CTIF: variants seen among roughly 807,000 people sequenced by gnomAD.
CTIF encodes the protein CBP80/20-dependent translation initiation factor.
A neutral mutation model predicts 66.0 loss-of-function variants in CTIF; 21 were observed. That is an observed-to-expected ratio of 0.32 (90% CI 0.23 to 0.46). The LOEUF (loss-of-function observed/expected upper bound fraction) is 0.46, where lower values mean the gene tolerates loss of function less well. CTIF is among the 20% of genes least tolerant of loss of function. The probability of loss-of-function intolerance (pLI) is 1.00; values close to 1 mark genes in which losing one functional copy is unlikely to be tolerated. For synonymous variants in CTIF, 345 were observed against 326.4 expected (o/e 1.06, Z -0.62); for missense variants, 739 against 812.7 (o/e 0.91, Z 1.10).
At chr18:48,545,183 G>A (rs73956002) in intron 1 of CTIF, among the ~76,000 whole-genome samples, 3,907 of 152,318 alleles carry the variant, frequency 0.026, 154 homozygotes, top group African/African-American at 0.09. Context: ...GGAAGGAACC[G>A]CAAGCAGTGA....
chr18:48,692,300 AAAAAAC>A (rs762624350), intron 6 of CTIF, among the ~76,000 whole-genome samples: 16 of 127,528 alleles, frequency 1.3e-4, no homozygotes, highest in Admixed American at 4.3e-4. Flanking sequence ...ATGGGCCACA[AAAAAAC>A]AAAAACAAAA....
intron 6 of CTIF, among the ~76,000 whole-genome samples, chr18:48,692,186 G>A (rs963664641): frequency 7.2e-5 from 11 of 151,958 alleles, no homozygotes; most frequent in African/African-American, 2.7e-4. Context: ...TTTTATCTTT[G>A]TAAAACAAAA....
chr18:48,694,505 T>C (rs1367901068), intron 6 of CTIF, among the ~76,000 whole-genome samples: 1 of 152,216 alleles, frequency 6.6e-6, no homozygotes, highest in Non-Finnish European at 1.5e-5. Flanking sequence ...TGAAAGTAGG[T>C]CAGATCACTG....
At chr18:48,741,322 G>A (rs568995212) in intron 7 of CTIF, among the ~76,000 whole-genome samples, 26 of 146,890 alleles carry the variant, frequency 1.8e-4, no homozygotes, top group African/African-American at 5.3e-4. Flanking sequence ...TGGGTACTCC[G>A]TGAGCTTAAA....
At chr18:48,594,899 G>C (rs1043309222) in intron 1 of CTIF, among the ~76,000 whole-genome samples, 8 of 152,224 alleles carry the variant, frequency 5.3e-5, no homozygotes, top group Non-Finnish European at 1.2e-4. Flanking sequence ...GGCTGAGAGA[G>C]CTGAGGCCCT....
At chr18:48,623,865 A>C (rs967254080) in intron 2 of CTIF, among the ~76,000 whole-genome samples, 1 of 148,820 alleles carries the variant, frequency 6.7e-6, no homozygotes, top group Non-Finnish European at 1.5e-5. Flanking sequence ...GGATGGATGG[A>C]TGGATGGATG....
rs540206984 is a variant in CTIF, at chr18:48,762,457, G to A, written c.1371+768G>A. 6.6e-5 allele frequency among the ~76,000 whole-genome samples: 10 copies of A among 152,318 alleles called. No homozygotes were observed. In the South Asian group the frequency reaches 8.3e-4, roughly 13 times the overall value. Reference sequence around the variant, plus strand: ...AGCTGGTGGCCCCAAAACTGGTGACGTCAGGGAGAGATAGCAGGGTCATGG... The same window carrying A: ...AGCTGGTGGCCCCAAAACTGGTGACATCAGGGAGAGATAGCAGGGTCATGG... On this transcript the variant is annotated intron_variant, in intron 9 of 11. Coordinates refer to ENST00000256413, the MANE Select transcript of CTIF (RefSeq NM_014772.3).
intron 7 of CTIF, among the ~76,000 whole-genome samples, chr18:48,739,293 G>A (rs1241441406): frequency 6.6e-6 from 1 of 152,224 alleles, no homozygotes. Flanking sequence ...GGAAACTGGG[G>A]TGTCAGAAGG....
At position 48,858,685 on chromosome 18, in the gene CTIF, G is replaced by A. The variant is rs2069385367; in HGVS notation, c.1582-659G>A. On this transcript the variant is annotated intron_variant, in intron 11 of 11. Coordinates refer to ENST00000256413, the MANE Select transcript of CTIF (RefSeq NM_014772.3). ...AGGGGTGTGCTGGTCCAGGAATAGG[G>A]GCTCCTTCCCAGTGGGCTTTTCAAG... Among the ~76,000 whole-genome samples, 3 of 152,128 alleles carry A rather than the reference G, an allele frequency of 2.0e-5. No individual in the cohort carries two copies. In the South Asian group the frequency reaches 6.2e-4, roughly 32 times the overall value.
chr18:48,782,757 G>A (rs537747841), intron 9 of CTIF, among the ~76,000 whole-genome samples: 19 of 152,266 alleles, frequency 1.2e-4, no homozygotes, highest in South Asian at 1.2e-3. Context: ...CTGGGCCTCC[G>A]GGCTGAGTTG....
At chr18:48,716,334 A>G (rs960240875) in intron 7 of CTIF, among the ~76,000 whole-genome samples, 2 of 152,198 alleles carry the variant, frequency 1.3e-5, no homozygotes, top group Non-Finnish European at 2.9e-5. Flanking sequence ...GAGGAGGCTT[A>G]GAGAAAGCAG....
chr18:48,859,890 T>G lies in CTIF; in HGVS notation c.*331T>G, dbSNP rs1334822684. ...CCCCCACGGAGCTTTGTGTGAGGGA[T>G]CTCATCGCTGTGACTCCTCGGAGAC... On this transcript the variant is annotated 3_prime_UTR_variant, in exon 12 of 12. Transcript: ENST00000256413. 1 of 535,194 alleles carries G rather than the reference T, an allele frequency of 1.9e-6. No individual in the cohort carries two copies. The highest frequency in any genetic ancestry group is 3.6e-6 in the Non-Finnish European group (1 of 278,154). 33.2% of individuals were successfully genotyped at this position (535,194 alleles called of 1,614,324 possible).
intron 2 of CTIF, among the ~76,000 whole-genome samples, chr18:48,621,274 G>T (rs930754314): frequency 1.3e-5 from 2 of 151,298 alleles, no homozygotes; most frequent in Non-Finnish European, 2.9e-5. Flanking sequence ...AGTCAGGGAA[G>T]CTGGCATGGA....
intron 6 of CTIF, among the ~76,000 whole-genome samples, chr18:48,686,535 C>T (rs193051534): frequency 0.017 from 2,417 of 141,786 alleles, 31 homozygotes; most frequent in African/African-American, 0.024. Context: ...TCGGTTCTCA[C>T]GTTTTTTTAC....
chr18:48,602,534 G>A lies in CTIF; in HGVS notation c.-28-17004G>A, dbSNP rs1477061895. On this transcript the variant is annotated intron_variant, in intron 1 of 11. Coordinates refer to ENST00000256413, the MANE Select transcript of CTIF (RefSeq NM_014772.3). ...TAAAATAATGGTGAGCCTTACAGTT[G>A]ATGACTTTGCTTTCTAAGATCTCTT... Among the ~76,000 whole-genome samples the A allele has an allele frequency of 2.0e-5, 3 of 152,192 alleles. No homozygotes were observed. In the East Asian group the frequency reaches 5.8e-4, roughly 29 times the overall value.
intron 10 of CTIF, among the ~76,000 whole-genome samples, chr18:48,835,115 C>T (rs1040104298): frequency 7.2e-5 from 11 of 152,224 alleles, no homozygotes; most frequent in African/African-American, 2.7e-4. Context: ...CTTCCTTGAG[C>T]CTCAGTTTCC....
At chr18:48,645,363 G>C (rs908250092) in intron 3 of CTIF, among the ~76,000 whole-genome samples, 1 of 151,354 alleles carries the variant, frequency 6.6e-6, no homozygotes, top group Non-Finnish European at 1.5e-5. Flanking sequence ...AGAGAAGAAG[G>C]AAAATGATAG....
chr18:48,661,257 T>G (rs1014327403), intron 3 of CTIF, among the ~76,000 whole-genome samples: 6 of 152,180 alleles, frequency 3.9e-5, no homozygotes, highest in African/African-American at 1.4e-4. Flanking sequence ...CATTGGGTAT[T>G]TAACAGATCA....
chr18:48,690,475 C>G (rs1007718438), intron 6 of CTIF, among the ~76,000 whole-genome samples: 1 of 152,178 alleles, frequency 6.6e-6, no homozygotes, highest in Non-Finnish European at 1.5e-5. Flanking sequence ...CCAGCCCCTG[C>G]ATTTCCTTCC....
Sources: gnomAD v4.1 joint callset for allele counts (sites outside exome capture counted in the v4.1 genomes callset) on GRCh38, gnomAD v4.1.1 for gene constraint, MANE v1.5 for transcripts, NCBI Gene and HGNC (gene_info 2026-07-23, HGNC 2026-07-21) for gene names.